ROBO2: variants seen among roughly 807,000 people sequenced by gnomAD.
ROBO2 encodes roundabout guidance receptor 2.
ROBO2 carries 53 observed loss-of-function variants against 160.8 expected under a neutral mutation model. The observed-to-expected ratio is 0.33, with a 90% CI of 0.26 to 0.41. ROBO2 has a LOEUF of 0.41. Among genes scored for constraint, ROBO2 ranks in the 10% least tolerant of loss-of-function variants. The pLI is 1.00. For missense variants in ROBO2, 1,577 were observed against 1,722.4 expected, an observed-to-expected ratio of 0.92 and a Z score of 1.49; for synonymous variants, 664 against 611.7, an observed-to-expected ratio of 1.09 and a Z score of -1.26.
At chr3:76,184,336 G>T (rs2107125434) in intron 2 of ROBO2, among the ~76,000 whole-genome samples, 1 of 152,060 alleles carries the variant, frequency 6.6e-6, no homozygotes, top group Non-Finnish European at 1.5e-5. Context: ...CAACGATCCG[G>T]TTCAAAAAGA....
chr3:77,040,886 C>A, intron 1 of ROBO2, 40 bp downstream of exon 1: 8 of 1,587,382 alleles, frequency 5.0e-6, no homozygotes, highest in Non-Finnish European at 6.9e-6. Context: ...GCGCCCCCCA[C>A]CCCCCAATCC....
At chr3:76,607,092 G>C (rs1166552838) in intron 2 of ROBO2, among the ~76,000 whole-genome samples, 2 of 152,162 alleles carry the variant, frequency 1.3e-5, no homozygotes, top group South Asian at 2.1e-4. Context: ...GCCCAGCCTA[G>C]AGCGCCGTGG....
intron 2 of ROBO2, among the ~76,000 whole-genome samples, chr3:76,456,314 A>G (rs974554297): frequency 2.0e-5 from 3 of 152,230 alleles, no homozygotes; most frequent in African/African-American, 7.2e-5. Context: ...ATTTAATGAC[A>G]TTCCATTGGT....
intron 2 of ROBO2, among the ~76,000 whole-genome samples, chr3:76,537,169 G>T (rs951527538): frequency 6.6e-6 from 1 of 152,010 alleles, no homozygotes; most frequent in African/African-American, 2.4e-5. Context: ...CTGAAGAAAT[G>T]GATGGGAGAG....
At chr3:76,833,585 T>C (rs541853868) in intron 2 of ROBO2, among the ~76,000 whole-genome samples, 1 of 152,344 alleles carries the variant, frequency 6.6e-6, no homozygotes, top group South Asian at 2.1e-4. Context: ...TTAGACATGC[T>C]GGTGGGAATG....
intron 2 of ROBO2, among the ~76,000 whole-genome samples, chr3:76,393,216 A>G (rs1280769622): frequency 2.6e-5 from 4 of 152,190 alleles, no homozygotes; most frequent in African/African-American, 9.6e-5. Flanking sequence ...ATCTCTAGAT[A>G]TGGAAACCAA....
chr3:76,090,148 C>T (rs564726864), intron 2 of ROBO2, among the ~76,000 whole-genome samples: 6 of 152,036 alleles, frequency 3.9e-5, no homozygotes, highest in Non-Finnish European at 8.8e-5. Flanking sequence ...AGGAACACTA[C>T]GAAACTCTCA....
chr3:75,916,813 G>A (rs528848513), intron 1 of ROBO2, among the ~76,000 whole-genome samples: 1 of 31,932 alleles, frequency 3.1e-5, no homozygotes, highest in South Asian at 1.8e-3. Flanking sequence ...ATTCTCTTTA[G>A]TTCTTAGCTG....
At chr3:77,360,478 T>C (rs538110935) in intron 2 of ROBO2, among the ~76,000 whole-genome samples, 26 of 152,318 alleles carry the variant, frequency 1.7e-4, no homozygotes, top group African/African-American at 6.3e-4. Context: ...TCTATTATCA[T>C]AAAATGCTAT....
At chr3:76,322,208 T>TATATAC (rs1262581750) in intron 2 of ROBO2, among the ~76,000 whole-genome samples, 16 of 128,244 alleles carry the variant, frequency 1.2e-4, no homozygotes, top group African/African-American at 2.5e-4. Flanking sequence ...ATATATAATA[T>TATATAC]ACACACACAT....
chr3:75,930,287 C>T (rs1947479847), intron 1 of ROBO2, among the ~76,000 whole-genome samples: 1 of 152,060 alleles, frequency 6.6e-6, no homozygotes, highest in Admixed American at 6.6e-5. Context: ...TCCTACAATC[C>T]TTCATTTTTA....
At chr3:77,574,530 A>T (rs763838471) in exon 14 of ROBO2, 1 of 1,613,386 alleles carries the variant, frequency 6.2e-7, no homozygotes, top group East Asian at 2.2e-5. Flanking sequence ...ATCCAAGGCT[A>T]CCGAGTGATG....
At chr3:76,444,701 C>T (rs577061793) in intron 2 of ROBO2, among the ~76,000 whole-genome samples, 8 of 152,186 alleles carry the variant, frequency 5.3e-5, no homozygotes, top group South Asian at 4.2e-4. Flanking sequence ...ATGGGGATTG[C>T]GGGGTGATGG....
intron 2 of ROBO2, among the ~76,000 whole-genome samples, chr3:77,351,805 T>C (rs1292534868): frequency 6.6e-6 from 1 of 151,980 alleles, no homozygotes; most frequent in Non-Finnish European, 1.5e-5. Context: ...ATCTGGGGTC[T>C]CCAACAATAA....
In ROBO2 at chr3:76,211,014, T is replaced by C. The variant is rs569584341; in HGVS notation, c.109+273412T>C. Among the ~76,000 whole-genome samples the C allele has an allele frequency of 5.9e-5, 9 of 152,134 alleles. No homozygotes were observed. The East Asian group carries it at 1.7e-3, about 29-fold the overall frequency. Reference sequence around the variant, plus strand: ...GGAGAGGTTAAAGTGTTTTAACCAATCTTTTGTAATGAGTGACGTAGAAAA... The same window carrying C: ...GGAGAGGTTAAAGTGTTTTAACCAACCTTTTGTAATGAGTGACGTAGAAAA... On this transcript the variant is annotated intron_variant, in intron 2 of 26. Transcript: ENST00000487694.
intron 2 of ROBO2, among the ~76,000 whole-genome samples, chr3:76,789,207 C>G (rs2063187146): frequency 6.6e-6 from 1 of 151,446 alleles, no homozygotes; most frequent in Admixed American, 6.6e-5. Context: ...ACTGAGCTTG[C>G]TAGTATTTTT....
In ROBO2 at chr3:76,286,046, A is replaced by G. The variant is rs147590234; in HGVS notation, c.109+348444A>G. The stretch of plus-strand genomic sequence containing the variant: ...AGGTACAAAAATGGATAATATGTAA[A>G]CACTTCTCCTAAGTAGTTCACAGTT... On this transcript the variant is annotated intron_variant, in intron 2 of 26. Transcript: ENST00000487694. Among the ~76,000 whole-genome samples the G allele has an allele frequency of 2.8e-3, 419 of 152,290 alleles. 1 individual carries two copies. The highest frequency in any genetic ancestry group is 9.4e-3 in the African/African-American group (392 of 41,564).
At position 76,567,632 on chromosome 3, in the gene ROBO2, T is replaced by TATATATATATATATATATAC. The variant is rs1560162498; in HGVS notation, c.110-530363_110-530362insCATATATATATATATATATA. 2.4e-4 allele frequency among the ~76,000 whole-genome samples: 19 copies of TATATATATATATATATATAC among 79,090 alleles called. 2 individuals are homozygous for TATATATATATATATATATAC. Among genetic ancestry groups the TATATATATATATATATATAC allele is most frequent in the Non-Finnish European group, 4.4e-4 (17 of 38,240 alleles). 51.9% of individuals were successfully genotyped at this position (79,090 alleles called of 152,430 possible). On this transcript the variant is annotated intron_variant, in intron 2 of 26. Transcript: ENST00000487694. ...ATACCAAACTACTGATATATATATA[T>TATATATATATATATATATAC]ATATATATATATATATATATACACA...
intron 2 of ROBO2, among the ~76,000 whole-genome samples, chr3:76,911,603 G>T (rs1487463012): frequency 6.6e-6 from 1 of 152,038 alleles, no homozygotes; most frequent in Non-Finnish European, 1.5e-5. Context: ...AATTAGAAAA[G>T]CACCTTGGCT....
Sources: allele counts gnomAD v4.1 joint callset (sites outside exome capture counted in the v4.1 genomes callset), GRCh38; gene constraint gnomAD v4.1.1; transcripts MANE v1.5; gene names NCBI Gene and HGNC (gene_info 2026-07-23, HGNC 2026-07-21).